Variants in FNBP4 observed in about 807,000 individuals in gnomAD.
FNBP4 encodes the protein formin binding protein 4, also known as formin-binding protein 4.
In FNBP4, 34 loss-of-function variants were observed where a neutral mutation model predicts 119.3. The observed-to-expected ratio is 0.28, with a 90% CI of 0.22 to 0.38. FNBP4 has a LOEUF of 0.38. Ranked by LOEUF, FNBP4 falls within the 10% of genes least tolerant of loss-of-function variation. FNBP4 has a pLI of 1.00. For missense variants in FNBP4, 1,112 were observed against 1,228.9 expected, an observed-to-expected ratio of 0.90 and a Z score of 1.42; for synonymous variants, 462 against 430.6, an observed-to-expected ratio of 1.07 and a Z score of -0.90.
rs955281007 is a variant in FNBP4 at position 47,716,937 on chromosome 11, C to T, written c.*485G>A. The stretch of plus-strand genomic sequence containing the variant: ...TACTCTAAAGAGTGTGGCCATCTAT[C>T]AGCACGAGGTAAACCACTTAGACCT... On this transcript the variant is annotated 3_prime_UTR_variant, in exon 17 of 17. Transcript: ENST00000263773. The T allele has an allele frequency of 3.9e-5, 6 of 153,306 alleles. No homozygotes were observed. Among genetic ancestry groups the T allele is most frequent in the Admixed American group, 2.0e-4 (3 of 15,384 alleles). 9.5% of individuals were successfully genotyped at this position (153,306 alleles called of 1,614,324 possible). A position where few individuals can be genotyped will look rare whatever the true frequency, so the allele number is the denominator to read the frequency against.
At position 47,732,382 on chromosome 11, in the gene FNBP4, CAA is replaced by C; in HGVS notation, c.1820+153_1820+154del. The C allele has an allele frequency of 1.3e-6, 2 of 1,512,538 alleles. No homozygotes were observed. The highest frequency in any genetic ancestry group is 1.8e-6 in the Non-Finnish European group (2 of 1,133,170). 93.7% of individuals were successfully genotyped at this position (1,512,538 alleles called of 1,614,324 possible). A position where few individuals can be genotyped will look rare whatever the true frequency, so the allele number is the denominator to read the frequency against. ...TTTGTTTCTCCAATGTGTGGCTGGC[CAA>C]ACTTTGTGCTTGCGGTGCTTTGCCT... On this transcript the variant is annotated intron_variant, in intron 11 of 16. Coordinates refer to ENST00000263773, the MANE Select transcript of FNBP4 (RefSeq NM_015308.5). The surrounding 1 kb of genome is among the most constrained non-coding windows in gnomAD (Gnocchi z 4.2).
At chr11:47,739,736 GATT>G (rs2097579125) in intron 8 of FNBP4, among the ~76,000 whole-genome samples, 1 of 152,166 alleles carries the variant, frequency 6.6e-6, no homozygotes, top group African/African-American at 2.4e-5. Context: ...GCTGCATTAT[GATT>G]ATGTCAACTA....
chr11:47,765,796 A>G (rs1159083286), intron 1 of FNBP4, among the ~76,000 whole-genome samples: 1 of 151,224 alleles, frequency 6.6e-6, no homozygotes, highest in Admixed American at 6.6e-5. Flanking sequence ...CAAAAAAAAG[A>G]AAGGACATTT....
intron 12 of FNBP4, among the ~76,000 whole-genome samples, chr11:47,727,422 G>T (rs2097562402): frequency 6.6e-6 from 1 of 151,878 alleles, no homozygotes; most frequent in African/African-American, 2.4e-5. Context: ...GCTAATTTTT[G>T]TATTTTTAGT....
chr11:47,765,926 TC>T (rs1200055664), intron 1 of FNBP4, among the ~76,000 whole-genome samples: 1 of 130,554 alleles, frequency 7.7e-6, no homozygotes, highest in Non-Finnish European at 1.6e-5. Context: ...CCTCGAGTAA[TC>T]CGCCTACCTC....
At chr11:47,745,913 GT>G in intron 7 of FNBP4, 142 bp downstream of exon 7, 1 of 692,298 alleles carries the variant, frequency 1.4e-6, no homozygotes, top group Non-Finnish European at 2.3e-6. Flanking sequence ...GTAGTTTAAA[GT>G]TTTTGCTGCA....
Position 47,731,534 on chromosome 11 carries a change from G to A in FNBP4, c.1848C>T (p.Asn616=), listed in dbSNP as rs761326813. The part of the protein sequence containing the change: ...DRDHRRYFYV[N]EQSGESQWEF... ...CCCACTGAGACTCGCCCGACTGTTC[G>A]TTTACATAGAAATACCGTCTATGAT... Residue 616 remains asparagine (N), a synonymous_variant, in exon 12 of 17, where the codon AAC becomes AAT. Transcript: ENST00000263773. The A allele has an allele frequency of 2.5e-6, 4 of 1,610,558 alleles. No homozygotes were observed. The highest frequency in any genetic ancestry group is 1.7e-5 in the Admixed American group (1 of 59,008).
At position 47,724,457 on chromosome 11, in the gene FNBP4, G is replaced by C. The variant is rs1284171575; in HGVS notation, c.2319+11C>G. On this transcript the variant is annotated intron_variant, in intron 13 of 16. Transcript: ENST00000263773. ...TCAAAATCACTCAGAATGCCAAAGGGAATTACTTACCTGGCTAGTTACAAC... is the reference window on the plus strand; with the variant it reads ...TCAAAATCACTCAGAATGCCAAAGGCAATTACTTACCTGGCTAGTTACAAC... The C allele has an allele frequency of 6.2e-7, 1 of 1,614,116 alleles. No homozygotes were observed. The highest frequency in any genetic ancestry group is 1.3e-5 in the African/African-American group (1 of 75,058).
At chr11:47,739,698 G>C (rs1248621098) in intron 8 of FNBP4, among the ~76,000 whole-genome samples, 1 of 152,196 alleles carries the variant, frequency 6.6e-6, no homozygotes, top group African/African-American at 2.4e-5. Context: ...AGCGAGGCAG[G>C]AGCATCAATT....
intron 14 of FNBP4, among the ~76,000 whole-genome samples, chr11:47,723,760 G>A (rs2097558191): frequency 6.6e-6 from 1 of 152,028 alleles, no homozygotes; most frequent in Non-Finnish European, 1.5e-5. Flanking sequence ...ACAGGCTTTT[G>A]CCGTGTTGCC....
At chr11:47,730,683 C>G (rs2097566366) in intron 12 of FNBP4, among the ~76,000 whole-genome samples, 1 of 152,106 alleles carries the variant, frequency 6.6e-6, no homozygotes, top group African/African-American at 2.4e-5. Context: ...TTAAGATTAA[C>G]AGGTGGAAGT....
At chr11:47,719,576 ATGTGTGTGTGTGTGTGTG>A (rs66711141) in intron 16 of FNBP4, among the ~76,000 whole-genome samples, 27 of 147,800 alleles carry the variant, frequency 1.8e-4, no homozygotes, top group South Asian at 1.1e-3. Context: ...TTATGTGTGT[ATGTGTGTGTGTGTGTGTG>A]TGTGTGTGTG....
rs768922817 is a variant in FNBP4 at position 47,717,425 on chromosome 11, T to C, written c.3051A>G (p.Thr1017=). ...RLKRRKMAPN[T] ...AAAAGTTTTAAAAACTTAAAAACTA[T>C]GTGTTTGGAGCCATTTTCCTTCTCT... The change falls in exon 17 of 17, where the codon ACA becomes ACG. Residue 1017 remains threonine (T), a synonymous_variant. Transcript: ENST00000263773. 10 of 1,607,088 alleles carry C rather than the reference T, an allele frequency of 6.2e-6. No individual in the cohort carries two copies. The highest frequency in any genetic ancestry group is 1.7e-5 in the Admixed American group (1 of 59,526).
intron 2 of FNBP4, among the ~76,000 whole-genome samples, chr11:47,760,144 C>T (rs1039304887): frequency 6.6e-6 from 1 of 152,096 alleles, no homozygotes; most frequent in African/African-American, 2.4e-5. Flanking sequence ...AGCTTTTCAC[C>T]TATGGACAAA....
intron 2 of FNBP4, among the ~76,000 whole-genome samples, chr11:47,758,431 G>A (rs2135265894): frequency 6.6e-6 from 1 of 152,224 alleles, no homozygotes; most frequent in Non-Finnish European, 1.5e-5. Flanking sequence ...TTGAATTCCT[G>A]AGCTCAAGCA....
chr11:47,717,822 C>T (rs937826469), intron 16 of FNBP4, among the ~76,000 whole-genome samples: 17 of 152,088 alleles, frequency 1.1e-4, no homozygotes, highest in African/African-American at 3.9e-4. Context: ...GATCTCGGCT[C>T]ACCGCAACCT....
intron 9 of FNBP4, among the ~76,000 whole-genome samples, chr11:47,735,134 C>T (rs2097572401): frequency 1.3e-5 from 2 of 152,026 alleles, no homozygotes; most frequent in Admixed American, 6.6e-5. Context: ...GTTACTTTAC[C>T]TGGTTTGTGA....
intron 15 of FNBP4, among the ~76,000 whole-genome samples, chr11:47,721,253 AAAATAAAT>A (rs374647673): frequency 3.3e-5 from 5 of 151,282 alleles, no homozygotes; most frequent in African/African-American, 1.2e-4. Flanking sequence ...CTCCATCTCA[AAAATAAAT>A]AAATAAATAA....
chr11:47,765,728 G>A (rs868678741), intron 1 of FNBP4, among the ~76,000 whole-genome samples: 14 of 151,868 alleles, frequency 9.2e-5, no homozygotes, highest in South Asian at 2.1e-4. Context: ...CAGAAGGATC[G>A]CTTGAACCCA....
Sources: allele counts gnomAD v4.1 joint callset (sites outside exome capture counted in the v4.1 genomes callset), GRCh38; gene constraint gnomAD v4.1.1; non-coding constraint Gnocchi (gnomAD v3.1); transcripts MANE v1.5; gene names NCBI Gene and HGNC (gene_info 2026-07-23, HGNC 2026-07-21).